Variants in SDK1 observed in about 807,000 individuals in gnomAD.
SDK1 encodes the protein protein sidekick-1.
Under a neutral mutation model 245.5 loss-of-function variants are expected in SDK1, and 157 were observed. The ratio of observed to expected loss-of-function variants is 0.64; its 90% CI spans 0.56 to 0.73. The LOEUF is 0.73. Among genes scored for constraint, SDK1 ranks in the 30% least tolerant of loss-of-function variants. The pLI, the probability that SDK1 is intolerant of heterozygous loss-of-function variation, is 0.00. For synonymous variants in SDK1, 1,647 were observed against 1,278.5 expected (o/e 1.29, Z -6.15); for missense variants, 3,583 against 3,002.3 (o/e 1.19, Z -4.52).
chr7:4,173,249 T>C (rs1433126472), intron 32 of SDK1, among the ~76,000 whole-genome samples: 2 of 152,214 alleles, frequency 1.3e-5, no homozygotes, highest in Non-Finnish European at 2.9e-5. Context: ...AGAGACCAGA[T>C]GCTCGGAGGC....
intron 4 of SDK1, among the ~76,000 whole-genome samples, chr7:3,663,751 G>C (rs2341448): frequency 0.36 from 54,566 of 151,804 alleles, 10,729 homozygotes; most frequent in African/African-American, 0.52. Context: ...AGAATTATGT[G>C]TTGTCCCTAC....
In SDK1 at chr7:3,640,830, C is replaced by T. The variant is rs184726916; in HGVS notation, c.566-1128C>T. 1.5e-3 allele frequency among the ~76,000 whole-genome samples: 225 copies of T among 152,012 alleles called. 1 individual carries two copies. The highest frequency in any genetic ancestry group is 5.2e-3 in the African/African-American group (215 of 41,428). ...TCCTGAGCAGCTGGGATTACAGGCACCCACCACCACACCCAGCTAATTTTT... is the reference window on the plus strand; with the variant it reads ...TCCTGAGCAGCTGGGATTACAGGCATCCACCACCACACCCAGCTAATTTTT... On this transcript the variant is annotated intron_variant, in intron 3 of 44. Transcript: ENST00000404826.
chr7:3,934,226 A>G (rs927019841), intron 5 of SDK1, among the ~76,000 whole-genome samples: 3 of 152,216 alleles, frequency 2.0e-5, no homozygotes, highest in African/African-American at 7.2e-5. Flanking sequence ...GAATTTCAAG[A>G]TACACTTTCT....
chr7:3,628,227 A>G (rs1782179038), intron 2 of SDK1, among the ~76,000 whole-genome samples: 1 of 152,138 alleles, frequency 6.6e-6, no homozygotes, highest in Non-Finnish European at 1.5e-5. Context: ...TCTTGTGGCT[A>G]CATAGTTCTG....
At chr7:4,159,663 C>A (rs1373755027) in intron 31 of SDK1, among the ~76,000 whole-genome samples, 1 of 152,230 alleles carries the variant, frequency 6.6e-6, no homozygotes, top group African/African-American at 2.4e-5. Flanking sequence ...CCCTGCTGGG[C>A]CCTGAGGAGC....
intron 21 of SDK1, 57 bp downstream of exon 21, chr7:4,077,246 G>C (rs1780745491): frequency 2.0e-6 from 3 of 1,536,598 alleles, no homozygotes; most frequent in Non-Finnish European, 2.7e-6. Context: ...AGATTCCCGA[G>C]GCTAGAAGTT....
intron 5 of SDK1, among the ~76,000 whole-genome samples, chr7:3,902,344 A>G (rs572155572): frequency 2.6e-5 from 4 of 152,256 alleles, no homozygotes; most frequent in Admixed American, 2.6e-4. Flanking sequence ...CCATCACATT[A>G]ATGTATTTAC....
intron 5 of SDK1, among the ~76,000 whole-genome samples, chr7:3,851,359 C>T (rs1490704939): frequency 6.6e-6 from 1 of 151,940 alleles, no homozygotes; most frequent in Non-Finnish European, 1.5e-5. Flanking sequence ...TATTTAATTT[C>T]CTTTTTATGT....
intron 14 of SDK1, among the ~76,000 whole-genome samples, chr7:4,003,268 A>G (rs1278051523): frequency 6.6e-6 from 1 of 152,124 alleles, no homozygotes; most frequent in Non-Finnish European, 1.5e-5. Flanking sequence ...CTCCAGACCA[A>G]CCACTCATGG....
chr7:3,924,564 G>A lies in SDK1; in HGVS notation c.848-26359G>A, dbSNP rs187750433. Reference sequence around the variant, plus strand: ...CGATGCTGCCAGGAATTCTGTTTGGGTCTCGTACGTTATCATCTGTTACCA... The same window carrying A: ...CGATGCTGCCAGGAATTCTGTTTGGATCTCGTACGTTATCATCTGTTACCA... On this transcript the variant is annotated intron_variant, in intron 5 of 44. Coordinates refer to ENST00000404826, the MANE Select transcript of SDK1 (RefSeq NM_152744.4). Among the ~76,000 whole-genome samples the A allele has an allele frequency of 3.3e-3, 509 of 152,264 alleles. 5 individuals are homozygous for A. Among genetic ancestry groups the A allele is most frequent in the African/African-American group, 0.011 (470 of 41,546 alleles).
chr7:3,638,808 A>G (rs1562621829), intron 2 of SDK1, among the ~76,000 whole-genome samples, 196 bp from the exon 3 acceptor site: 1 of 151,740 alleles, frequency 6.6e-6, no homozygotes, highest in Non-Finnish European at 1.5e-5. Flanking sequence ...AAAAAAAAAA[A>G]GAAATAAATG....
intron 1 of SDK1, among the ~76,000 whole-genome samples, chr7:3,541,664 C>T (rs901494656): frequency 3.9e-5 from 6 of 152,084 alleles, no homozygotes; most frequent in Admixed American, 2.0e-4. Flanking sequence ...TGTGTATATC[C>T]TAAAGTCCAT....
intron 38 of SDK1, among the ~76,000 whole-genome samples, chr7:4,213,509 C>T (rs1784614576): frequency 6.6e-6 from 1 of 151,462 alleles, no homozygotes; most frequent in South Asian, 2.1e-4. Context: ...GGGTTGAACC[C>T]GGGAGGTGGA....
rs549112035 is a variant in SDK1 at position 4,266,456 on chromosome 7, C to G, written c.*1072C>G. The stretch of plus-strand genomic sequence containing the variant: ...ACACCAGGCCGTCCCCTCCCTCTGT[C>G]CTGGCTTCTGCTGGCTGCTCGCAGC... On this transcript the variant is annotated 3_prime_UTR_variant, in exon 45 of 45. Coordinates refer to ENST00000404826, the MANE Select transcript of SDK1 (RefSeq NM_152744.4). 78 of 985,420 alleles carry G rather than the reference C, an allele frequency of 7.9e-5. No individual in the cohort carries two copies. The highest frequency in any genetic ancestry group is 8.8e-5 in the Non-Finnish European group (73 of 829,930). 61.0% of individuals were successfully genotyped at this position (985,420 alleles called of 1,614,324 possible).
chr7:3,793,037 T>C (rs1039161634), intron 4 of SDK1, among the ~76,000 whole-genome samples: 2 of 152,090 alleles, frequency 1.3e-5, no homozygotes, highest in African/African-American at 4.8e-5. Context: ...TAGGAGCTAA[T>C]GGAAAAAAGG....
intron 18 of SDK1, among the ~76,000 whole-genome samples, chr7:4,051,260 A>G (rs1200966229): frequency 7.1e-6 from 1 of 141,770 alleles, no homozygotes; most frequent in Non-Finnish European, 1.5e-5. Flanking sequence ...TGTATATAAT[A>G]TATATATAAT....
chr7:3,473,681 T>A (rs922071547), intron 1 of SDK1, among the ~76,000 whole-genome samples: 8 of 152,290 alleles, frequency 5.3e-5, no homozygotes, highest in South Asian at 2.1e-4. Context: ...TGAATTATTT[T>A]TTTTTTTCCA....
chr7:3,438,809 T>G (rs1780103798), intron 1 of SDK1, among the ~76,000 whole-genome samples: 1 of 150,388 alleles, frequency 6.6e-6, no homozygotes, highest in Non-Finnish European at 1.5e-5. Flanking sequence ...CTAAGTTCCA[T>G]CATTGGCAGC....
In SDK1 at chr7:4,194,325, C is replaced by T. The variant is rs1224399867; in HGVS notation, c.5099-11554C>T. 1.0e-4 allele frequency among the ~76,000 whole-genome samples: 11 copies of T among 108,554 alleles called. 1 individual carries two copies. Among genetic ancestry groups the T allele is most frequent in the African/African-American group, 4.2e-4 (9 of 21,454 alleles). 71.2% of individuals were successfully genotyped at this position (108,554 alleles called of 152,430 possible). ...GTATACATGTATACATATATGTATG[C>T]ACGTATGTGTATACATGTATAGATA... On this transcript the variant is annotated intron_variant, in intron 35 of 44. Transcript: ENST00000404826.
Sources: gnomAD v4.1 joint callset for allele counts (sites outside exome capture counted in the v4.1 genomes callset) on GRCh38, gnomAD v4.1.1 for gene constraint, MANE v1.5 for transcripts, NCBI Gene and HGNC (gene_info 2026-07-23, HGNC 2026-07-21) for gene names.